FOXK2: variants seen among roughly 807,000 people sequenced by gnomAD.
FOXK2 encodes the protein forkhead box K2.
In FOXK2, 24 loss-of-function variants were observed where a neutral mutation model predicts 53.3. The ratio of observed to expected loss-of-function variants is 0.45; its 90% CI spans 0.33 to 0.63. The LOEUF (loss-of-function observed/expected upper bound fraction) is 0.63, where lower values mean the gene tolerates loss of function less well. Ranked by LOEUF, FOXK2 falls within the 30% of genes least tolerant of loss-of-function variation. FOXK2 has a pLI of 0.03. For missense variants in FOXK2, 952 were observed against 910.5 expected (o/e 1.05, Z -0.59); for synonymous variants, 505 against 407.1 (o/e 1.24, Z -2.89).
At chr17:82,587,967 C>A (rs565457223) in intron 8 of FOXK2, among the ~76,000 whole-genome samples, 1 of 152,304 alleles carries the variant, frequency 6.6e-6, no homozygotes, top group East Asian at 1.9e-4. Flanking sequence ...AAGCTACCGA[C>A]TAAAACTGTC....
intron 4 of FOXK2, among the ~76,000 whole-genome samples, chr17:82,579,866 T>C (rs34326642): frequency 0.1 from 11,023 of 107,358 alleles, 558 homozygotes; most frequent in Non-Finnish European, 0.12. Flanking sequence ...ACACATGGCC[T>C]AGCCCACCTC....
Position 82,586,915 on chromosome 17 carries a change from G to C in FOXK2, c.1577-148G>C, listed in dbSNP as rs2045183244. 6 of 759,352 alleles carry C rather than the reference G, an allele frequency of 7.9e-6. No individual in the cohort carries two copies. In the Admixed American group the frequency reaches 1.4e-4, roughly 17 times the overall value. 47.0% of individuals were successfully genotyped at this position (759,352 alleles called of 1,614,324 possible). Reference sequence around the variant, plus strand: ...ACTCCATCTCAAAAAACAAAAAAAAGATTTGCTCATCTTTTTCTAATTTGC... The same window carrying C: ...ACTCCATCTCAAAAAACAAAAAAAACATTTGCTCATCTTTTTCTAATTTGC... On this transcript the variant is annotated intron_variant, in intron 7 of 8. Transcript: ENST00000335255.
At position 82,571,747 on chromosome 17, in the gene FOXK2, C is replaced by A; in HGVS notation, c.786C>A (p.Ser262=). 1 of 1,579,366 alleles carries A rather than the reference C, an allele frequency of 6.3e-7. No homozygotes were observed. Among genetic ancestry groups the A allele is most frequent in the Non-Finnish European group, 8.6e-7 (1 of 1,166,692 alleles). Residue 262 remains serine (S), a synonymous_variant, in exon 4 of 9, where the codon TCC becomes TCA. Coordinates refer to ENST00000335255, the MANE Select transcript of FOXK2 (RefSeq NM_004514.4). ...SPKDDSKPPY[S]YAQLIVQAIT... ...AGGATGATTCAAAGCCGCCTTACTC[C>A]TACGCGCAGCTGATAGTTCAGGCGA...
intron 3 of FOXK2, 42 bp downstream of exon 3, chr17:82,568,243 G>C: frequency 6.2e-7 from 1 of 1,605,642 alleles, no homozygotes; most frequent in Non-Finnish European, 8.5e-7. Context: ...GGGGGACAGT[G>C]TGTAGCCACA....
chr17:82,586,225 G>T, intron 7 of FOXK2, 25 bp downstream of exon 7: 2 of 1,265,452 alleles, frequency 1.6e-6, no homozygotes, highest in African/African-American at 1.6e-5. Flanking sequence ...AAGGAGGAGA[G>T]GGGAGACCAC....
intron 1 of FOXK2, among the ~76,000 whole-genome samples, chr17:82,537,961 C>T (rs1280640415): frequency 1.3e-5 from 2 of 151,150 alleles, no homozygotes; most frequent in African/African-American, 4.9e-5. Context: ...CAGTGGCTCT[C>T]ACCTGTAATC....
intron 7 of FOXK2, 142 bp from the exon 8 acceptor site, chr17:82,586,921 C>T (rs1368529795): frequency 1.3e-6 from 1 of 780,010 alleles, no homozygotes; most frequent in Non-Finnish European, 2.1e-6. Context: ...AAAAGATTTG[C>T]TCATCTTTTT....
At chr17:82,577,819 C>T (rs1022119819) in intron 4 of FOXK2, among the ~76,000 whole-genome samples, 4 of 152,146 alleles carry the variant, frequency 2.6e-5, no homozygotes, top group Non-Finnish European at 5.9e-5. Flanking sequence ...CTCACTGCAA[C>T]CTTTGCCTCC....
At chr17:82,589,081 C>G (rs1291575456) in intron 8 of FOXK2, among the ~76,000 whole-genome samples, 1 of 151,910 alleles carries the variant, frequency 6.6e-6, no homozygotes, top group African/African-American at 2.4e-5. Flanking sequence ...AAACGGTATC[C>G]TTTTTATGTA....
At chr17:82,562,396 C>T (rs1345969630) in intron 1 of FOXK2, among the ~76,000 whole-genome samples, 1 of 152,166 alleles carries the variant, frequency 6.6e-6, no homozygotes, top group African/African-American at 2.4e-5. Flanking sequence ...GCCCGACCAA[C>T]ATGGAGAAAC....
intron 1 of FOXK2, among the ~76,000 whole-genome samples, chr17:82,555,357 G>A (rs149530714): frequency 6.6e-4 from 101 of 152,232 alleles, no homozygotes; most frequent in African/African-American, 2.0e-3. Flanking sequence ...CCCCACCTCC[G>A]TTCTGTTGTA....
chr17:82,585,868 A>G, intron 6 of FOXK2, 36 bp from the exon 7 acceptor site: 1 of 1,584,426 alleles, frequency 6.3e-7, no homozygotes, highest in Non-Finnish European at 8.6e-7. Context: ...AGAAGTCAGT[A>G]TCTGTAAGTG....
At chr17:82,564,015 G>A (rs766348401) in intron 2 of FOXK2, among the ~76,000 whole-genome samples, 11 of 151,464 alleles carry the variant, frequency 7.3e-5, no homozygotes, top group Non-Finnish European at 1.5e-4. Flanking sequence ...GCCTCTCCAA[G>A]TGTTGGGATT....
At position 82,587,270 on chromosome 17, in the gene FOXK2, A is replaced by G. The variant is rs1489291874; in HGVS notation, c.1784A>G (p.Asn595Ser). Reference protein sequence around the residue: ...VPTAVHGQVNNAAASPLHMLA... With the variant: ...VPTAVHGQVNSAAASPLHMLA... ...ACTGCGGTCCACGGCCAGGTGAACA[A>G]TGGTAAGACATGCTGGTCGGTGGCT... is the stretch of plus-strand genomic sequence containing the variant. The change falls in exon 8 of 9, where the codon AAT (asparagine) becomes AGT (serine). Residue 595 changes from asparagine (N) to serine (S), a missense_variant and splice_region_variant. Physicochemically the swap from Asn to Ser is conservative, Grantham distance 46 (BLOSUM62 1). This residue lies in a region of FOXK2 where 551 missense variants were observed against 385.1 expected (regional missense o/e 1.43). Transcript: ENST00000335255. The G allele has an allele frequency of 5.0e-6, 8 of 1,612,082 alleles. No individual in the cohort carries two copies. The highest frequency in any genetic ancestry group is 6.8e-6 in the Non-Finnish European group (8 of 1,179,292).
intron 1 of FOXK2, among the ~76,000 whole-genome samples, chr17:82,522,861 C>T (rs1265364627): frequency 6.6e-6 from 1 of 152,164 alleles, no homozygotes; most frequent in Non-Finnish European, 1.5e-5. Flanking sequence ...ATGGCGTGAT[C>T]TTGGCTTGCT....
intron 8 of FOXK2, among the ~76,000 whole-genome samples, chr17:82,589,925 A>T (rs888488397): frequency 6.6e-5 from 10 of 152,168 alleles, no homozygotes; most frequent in African/African-American, 2.2e-4. Context: ...ACATTCCTGT[A>T]ATCCCTGCTA....
intron 1 of FOXK2, among the ~76,000 whole-genome samples, chr17:82,538,410 G>A (rs1209085449): frequency 1.3e-5 from 2 of 152,272 alleles, no homozygotes; most frequent in Admixed American, 6.5e-5. Context: ...ACTTGAGCCC[G>A]GGAAGTTGAG....
At chr17:82,585,532 T>C (rs2045125485) in intron 6 of FOXK2, among the ~76,000 whole-genome samples, 1 of 152,166 alleles carries the variant, frequency 6.6e-6, no homozygotes, top group South Asian at 2.1e-4. Context: ...CCCAGGCTGA[T>C]CTCAAACTCC....
chr17:82,548,478 G>A (rs1179220070), intron 1 of FOXK2, among the ~76,000 whole-genome samples: 1 of 152,098 alleles, frequency 6.6e-6, no homozygotes. Context: ...TTTTTAATGG[G>A]TTGTTTACCT....
Sources: allele counts gnomAD v4.1 joint callset (sites outside exome capture counted in the v4.1 genomes callset), GRCh38; gene constraint gnomAD v4.1.1; regional missense constraint gnomAD v4.1.1; transcripts MANE v1.5; gene names NCBI Gene and HGNC (gene_info 2026-07-23, HGNC 2026-07-21).